The following DCC variants were observed in gnomAD, a reference collection of about 807,000 sequenced individuals.
DCC encodes netrin receptor DCC.
A neutral mutation model predicts 172.5 loss-of-function variants in DCC; 58 were observed. That is an observed-to-expected ratio of 0.34 (90% CI 0.27 to 0.42). The LOEUF is 0.42. Among genes scored for constraint, DCC ranks in the 10% least tolerant of loss-of-function variants. The probability of loss-of-function intolerance (pLI) is 1.00; values close to 1 mark genes in which losing one functional copy is unlikely to be tolerated. For synonymous variants in DCC, 709 were observed against 644.5 expected, an observed-to-expected ratio of 1.10 and a Z score of -1.52; for missense variants, 1,740 against 1,791.0, an observed-to-expected ratio of 0.97 and a Z score of 0.51.
intron 2 of DCC, among the ~76,000 whole-genome samples, chr18:52,860,805 C>T (rs2039129481): frequency 6.6e-6 from 1 of 152,208 alleles, no homozygotes; most frequent in South Asian, 2.1e-4. Flanking sequence ...CGAGACCATC[C>T]TGGCTAACAC....
At chr18:52,678,862 G>T (rs571630577) in intron 1 of DCC, among the ~76,000 whole-genome samples, 1 of 151,842 alleles carries the variant, frequency 6.6e-6, no homozygotes, top group East Asian at 1.9e-4. Flanking sequence ...CATCCTTTTT[G>T]CCCATTCTTT....
intron 1 of DCC, 35 bp downstream of exon 1, chr18:52,340,913 C>A (rs185748347): frequency 1.4e-6 from 2 of 1,442,090 alleles, no homozygotes; most frequent in Middle Eastern, 1.7e-4. Flanking sequence ...CGTCGCACCC[C>A]CTTCCGTACC....
At chr18:53,414,672 C>A (rs931890632) in intron 20 of DCC, among the ~76,000 whole-genome samples, 2 of 152,008 alleles carry the variant, frequency 1.3e-5, no homozygotes, top group Non-Finnish European at 2.9e-5. Context: ...CATGGTGAAA[C>A]CACATCTCTA....
intron 1 of DCC, among the ~76,000 whole-genome samples, chr18:52,659,810 A>G (rs769508592): frequency 1.3e-5 from 2 of 152,154 alleles, no homozygotes; most frequent in African/African-American, 2.4e-5. Context: ...AAGCCTTGCA[A>G]CAATGCACGT....
At chr18:53,473,475 G>T (rs924281810) in intron 25 of DCC, among the ~76,000 whole-genome samples, 1 of 152,160 alleles carries the variant, frequency 6.6e-6, no homozygotes, top group African/African-American at 2.4e-5. Context: ...TAACAAAATT[G>T]TCTGATGTAT....
chr18:52,381,540 T>G (rs1002906802), intron 1 of DCC, among the ~76,000 whole-genome samples: 1 of 152,120 alleles, frequency 6.6e-6, no homozygotes, highest in Admixed American at 6.6e-5. Context: ...GGGCCTTCTA[T>G]GCCTATGTTA....
At position 52,831,606 on chromosome 18, in the gene DCC, A is replaced by G. The variant is rs147471246; in HGVS notation, c.413-74438A>G. Among the ~76,000 whole-genome samples the G allele has an allele frequency of 4.6e-5, 7 of 152,046 alleles. No homozygotes were observed. The East Asian group carries it at 7.7e-4, about 17-fold the overall frequency. On this transcript the variant is annotated intron_variant, in intron 2 of 28. Transcript: ENST00000442544. ...AGATGTGGGGTCTGAGACAAAGAGA[A>G]CTATTATGACAAGATTTTGGGGCCT... is the stretch of plus-strand genomic sequence containing the variant.
At chr18:52,359,896 C>T (rs1001397874) in intron 1 of DCC, among the ~76,000 whole-genome samples, 3 of 152,088 alleles carry the variant, frequency 2.0e-5, no homozygotes, top group African/African-American at 7.2e-5. Flanking sequence ...AAGTGAGACA[C>T]CAAAAAGTTG....
At chr18:53,077,630 TCTTA>T (rs1158221456) in intron 7 of DCC, among the ~76,000 whole-genome samples, 1 of 152,152 alleles carries the variant, frequency 6.6e-6, no homozygotes, top group African/African-American at 2.4e-5. Context: ...GTTATTTTTC[TCTTA>T]CTTTGTGAGT....
chr18:52,985,559 C>T (rs1309653500), intron 5 of DCC, among the ~76,000 whole-genome samples: 1 of 152,080 alleles, frequency 6.6e-6, no homozygotes, highest in Non-Finnish European at 1.5e-5. Flanking sequence ...GGCCACTTAA[C>T]CGCATAACAA....
At chr18:53,062,516 C>T (rs993864767) in intron 5 of DCC, among the ~76,000 whole-genome samples, 1 of 152,086 alleles carries the variant, frequency 6.6e-6, no homozygotes. Flanking sequence ...TCTTAAGTTT[C>T]CCCACAGAAG....
chr18:52,593,381 C>T lies in DCC; in HGVS notation c.92-158673C>T, dbSNP rs1355215707. 2.0e-5 allele frequency among the ~76,000 whole-genome samples: 3 copies of T among 152,156 alleles called. No individual in the cohort carries two copies. In the East Asian group the frequency reaches 5.8e-4, roughly 29 times the overall value. On this transcript the variant is annotated intron_variant, in intron 1 of 28. Transcript: ENST00000442544. ...CAGGATCCCACTAGTATCCAAAATACATATCATTCATGTCAAGACTTTGGG... is the reference window on the plus strand; with the variant it reads ...CAGGATCCCACTAGTATCCAAAATATATATCATTCATGTCAAGACTTTGGG...
chr18:53,123,440 A>C (rs2043512038), intron 7 of DCC, among the ~76,000 whole-genome samples: 1 of 152,014 alleles, frequency 6.6e-6, no homozygotes, highest in African/African-American at 2.4e-5. Flanking sequence ...GGAGCTAGAG[A>C]GATGAACAGC....
At chr18:53,344,930 A>G (rs1045434527) in intron 15 of DCC, among the ~76,000 whole-genome samples, 2 of 151,084 alleles carry the variant, frequency 1.3e-5, no homozygotes, top group African/African-American at 4.8e-5. Context: ...TATGTCTTAT[A>G]AGAGATCAGC....
At chr18:52,973,662 G>A (rs1403859481) in intron 5 of DCC, among the ~76,000 whole-genome samples, 1 of 152,140 alleles carries the variant, frequency 6.6e-6, no homozygotes, top group African/African-American at 2.4e-5. Context: ...GTGATCTGCA[G>A]ACTGACTTGC....
chr18:52,626,061 A>G (rs1305187746), intron 1 of DCC, among the ~76,000 whole-genome samples: 1 of 152,120 alleles, frequency 6.6e-6, no homozygotes, highest in Non-Finnish European at 1.5e-5. Flanking sequence ...TATTCATGAC[A>G]TTACATGTCA....
chr18:53,519,393 T>G (rs1209653424), intron 27 of DCC, among the ~76,000 whole-genome samples: 1 of 151,986 alleles, frequency 6.6e-6, no homozygotes, highest in East Asian at 1.9e-4. Flanking sequence ...GACTTCAGAG[T>G]GGGAAACGTT....
In DCC at chr18:53,042,374, A is replaced by G. The variant is rs146097107; in HGVS notation, c.986-20931A>G. On this transcript the variant is annotated intron_variant, in intron 5 of 28. Transcript: ENST00000442544. Reference sequence around the variant, plus strand: ...TGAATTCAACTTGATCATGGTGGATAAGCTTTTTGATGTGCTGCTGGATTC... The same window carrying G: ...TGAATTCAACTTGATCATGGTGGATGAGCTTTTTGATGTGCTGCTGGATTC... Among the ~76,000 whole-genome samples the G allele has an allele frequency of 2.5e-4, 38 of 152,066 alleles. No individual in the cohort carries two copies. In the East Asian group the frequency reaches 6.2e-3, roughly 25 times the overall value.
chr18:52,900,098 TG>T (rs1298684192), intron 2 of DCC, among the ~76,000 whole-genome samples: 1 of 152,184 alleles, frequency 6.6e-6, no homozygotes, highest in Non-Finnish European at 1.5e-5. Flanking sequence ...GTAGGACAAC[TG>T]GTTCTATCCG....
Sources: allele counts gnomAD v4.1 joint callset (sites outside exome capture counted in the v4.1 genomes callset), GRCh38; gene constraint gnomAD v4.1.1; transcripts MANE v1.5; gene names NCBI Gene and HGNC (gene_info 2026-07-23, HGNC 2026-07-21).